The following PDE4D variants were observed in gnomAD, a reference collection of about 807,000 sequenced individuals.
PDE4D encodes the protein phosphodiesterase 4D, also known as 3',5'-cyclic-AMP phosphodiesterase 4D.
In PDE4D, 24 loss-of-function variants were observed where a neutral mutation model predicts 87.4. That is an observed-to-expected ratio of 0.27 (90% confidence interval 0.20 to 0.39). The LOEUF (loss-of-function observed/expected upper bound fraction) is 0.39. Ranked by LOEUF, PDE4D falls within the 10% of genes least tolerant of loss-of-function variation. The pLI, the probability that PDE4D is intolerant of heterozygous loss-of-function variation, is 1.00. For synonymous variants in PDE4D, 384 were observed against 383.2 expected (o/e 1.00, Z -0.02); for missense variants, 714 against 1,041.0 (o/e 0.69, Z 4.32).
intron 5 of PDE4D, among the ~76,000 whole-genome samples, chr5:59,152,457 G>A (rs929916916): frequency 6.6e-6 from 1 of 152,136 alleles, no homozygotes; most frequent in Non-Finnish European, 1.5e-5. Context: ...AACATGTTGA[G>A]TATGAACATA....
At chr5:60,172,963 T>C (rs1207446213) in intron 2 of PDE4D, among the ~76,000 whole-genome samples, 1 of 152,158 alleles carries the variant, frequency 6.6e-6, no homozygotes, top group Non-Finnish European at 1.5e-5. Flanking sequence ...CATTCATAAT[T>C]AAAATGTCTT....
intron 1 of PDE4D, among the ~76,000 whole-genome samples, chr5:59,525,034 G>A (rs1562333362): frequency 6.6e-6 from 1 of 152,208 alleles, no homozygotes; most frequent in Non-Finnish European, 1.5e-5. Context: ...AGGAAAATGT[G>A]GGGTGCAAGC....
intron 2 of PDE4D, among the ~76,000 whole-genome samples, chr5:60,163,280 G>A (rs566709905): frequency 1.3e-5 from 2 of 151,598 alleles, no homozygotes; most frequent in Non-Finnish European, 2.9e-5. Flanking sequence ...CTATTTTCTT[G>A]CCTATTTATT....
intron 1 of PDE4D, among the ~76,000 whole-genome samples, chr5:60,273,668 G>A (rs1480891458): frequency 6.6e-6 from 1 of 152,164 alleles, no homozygotes; most frequent in Non-Finnish European, 1.5e-5. Context: ...GTGGAATCAA[G>A]AGTGATAGAA....
At chr5:60,411,138 A>C (rs1733977182) in intron 1 of PDE4D, among the ~76,000 whole-genome samples, 1 of 152,198 alleles carries the variant, frequency 6.6e-6, no homozygotes, top group Non-Finnish European at 1.5e-5. Flanking sequence ...CAACTTGGTA[A>C]GTTCTAATTT....
chr5:59,273,127 A>C (rs1764147029), intron 1 of PDE4D, among the ~76,000 whole-genome samples: 2 of 152,180 alleles, frequency 1.3e-5, no homozygotes, highest in African/African-American at 4.8e-5. Context: ...ACATCTGAAA[A>C]AGAGATAAAT....
At chr5:60,116,095 C>T (rs1398575197) in intron 2 of PDE4D, among the ~76,000 whole-genome samples, 3 of 152,028 alleles carry the variant, frequency 2.0e-5, no homozygotes, top group Non-Finnish European at 4.4e-5. Context: ...ATCTTTAACT[C>T]ATCTCCAGAA....
At chr5:59,798,952 A>G (rs923373112) in intron 1 of PDE4D, among the ~76,000 whole-genome samples, 3 of 152,220 alleles carry the variant, frequency 2.0e-5, no homozygotes, top group Admixed American at 2.0e-4. Flanking sequence ...TCAAGGATTC[A>G]TAAAAGCTTT....
At chr5:59,914,351 G>A (rs1388076526) in intron 3 of PDE4D, among the ~76,000 whole-genome samples, 1 of 152,064 alleles carries the variant, frequency 6.6e-6, no homozygotes, top group Non-Finnish European at 1.5e-5. Flanking sequence ...TACAAGATGT[G>A]GTCAGGAAAG....
chr5:60,339,571 T>G (rs1165468286), intron 1 of PDE4D, among the ~76,000 whole-genome samples: 3 of 152,206 alleles, frequency 2.0e-5, no homozygotes, highest in African/African-American at 4.8e-5. Context: ...AAAGCCAAAC[T>G]TGAAATAAAG....
chr5:59,479,150 T>C (rs80167905), intron 1 of PDE4D, among the ~76,000 whole-genome samples: 2 of 152,184 alleles, frequency 1.3e-5, no homozygotes, highest in East Asian at 3.9e-4. Context: ...AGCTTCATAT[T>C]ACAATTACCT....
At chr5:59,881,386 A>G (rs938170145) in intron 1 of PDE4D, among the ~76,000 whole-genome samples, 1 of 152,188 alleles carries the variant, frequency 6.6e-6, no homozygotes, top group Non-Finnish European at 1.5e-5. Context: ...CTCCTTAAAT[A>G]TAACTCTCCT....
At chr5:59,896,215 A>C (rs1318715235), upstream of PDE4D, among the ~76,000 whole-genome samples, 2 of 152,210 alleles carry the variant, frequency 1.3e-5, no homozygotes, top group Non-Finnish European at 2.9e-5. Flanking sequence ...TATTTAATGA[A>C]ATAATACTTA....
At chr5:60,305,706 C>A (rs111929593) in intron 1 of PDE4D, among the ~76,000 whole-genome samples, 1 of 130,962 alleles carries the variant, frequency 7.6e-6, no homozygotes, top group Admixed American at 7.4e-5. Flanking sequence ...AAACTTCTTA[C>A]TTAAAAAAAA....
intron 1 of PDE4D, among the ~76,000 whole-genome samples, chr5:59,486,443 T>C (rs1050031311): frequency 6.6e-6 from 1 of 152,240 alleles, no homozygotes; most frequent in African/African-American, 2.4e-5. Flanking sequence ...TTAGTTGCAA[T>C]TGATGTTTTT....
intron 5 of PDE4D, among the ~76,000 whole-genome samples, chr5:59,128,103 A>T (rs765077039): frequency 6.7e-6 from 1 of 149,366 alleles, no homozygotes; most frequent in Non-Finnish European, 1.5e-5. Context: ...ATTATTCTTC[A>T]GGTTTTACTA....
intron 1 of PDE4D, among the ~76,000 whole-genome samples, chr5:59,306,154 CT>C (rs2153562924): frequency 6.6e-6 from 1 of 152,294 alleles, no homozygotes; most frequent in African/African-American, 2.4e-5. Flanking sequence ...CCCTCTTTGT[CT>C]CTTTTAACTG....
intron 1 of PDE4D, among the ~76,000 whole-genome samples, chr5:59,489,751 G>C (rs1210690769): frequency 6.6e-6 from 1 of 152,132 alleles, no homozygotes; most frequent in African/African-American, 2.4e-5. Context: ...AAAGAAACTT[G>C]CAATGAAAGA....
intron 1 of PDE4D, among the ~76,000 whole-genome samples, chr5:59,787,703 T>C (rs772539834): frequency 6.6e-6 from 1 of 152,186 alleles, no homozygotes; most frequent in Non-Finnish European, 1.5e-5. Context: ...TACTAGAAAA[T>C]ATACCAATTA....
Sources: allele counts gnomAD v4.1 joint callset (sites outside exome capture counted in the v4.1 genomes callset), GRCh38; gene constraint gnomAD v4.1.1; transcripts MANE v1.5; gene names NCBI Gene and HGNC (gene_info 2026-07-23, HGNC 2026-07-21).